The following PLPP4 variants were observed in gnomAD, a reference collection of about 807,000 sequenced individuals.
PLPP4 encodes diacylglycerol pyrophosphate like 2.
PLPP4 carries 20 observed loss-of-function variants against 32.2 expected under a neutral mutation model. The ratio of observed to expected loss-of-function variants is 0.62; its 90% CI spans 0.44 to 0.90. The LOEUF is 0.90. Ranked by LOEUF, PLPP4 falls within the 40% of genes least tolerant of loss-of-function variation. The pLI, the probability that PLPP4 is intolerant of heterozygous loss-of-function variation, is 0.00. For missense variants in PLPP4, 257 were observed against 353.1 expected (o/e 0.73, Z 2.18); for synonymous variants, 127 against 133.0 (o/e 0.95, Z 0.31).
At chr10:120,534,958 G>A (rs190593882) in intron 5 of PLPP4, among the ~76,000 whole-genome samples, 2 of 152,244 alleles carry the variant, frequency 1.3e-5, no homozygotes, top group Admixed American at 1.3e-4. Flanking sequence ...CTCACAGGCA[G>A]TTTCTGTTGC....
chr10:120,477,894 C>G (rs1183809215), intron 1 of PLPP4, among the ~76,000 whole-genome samples: 1 of 152,184 alleles, frequency 6.6e-6, no homozygotes, highest in East Asian at 1.9e-4. Context: ...GTACAGCAGA[C>G]AGGGGCCATG....
chr10:120,508,613 C>A (rs191752159), intron 2 of PLPP4, among the ~76,000 whole-genome samples: 1 of 152,218 alleles, frequency 6.6e-6, no homozygotes, highest in Non-Finnish European at 1.5e-5. Flanking sequence ...TGCCTTACAT[C>A]AGCAGGTGGG....
intron 1 of PLPP4, among the ~76,000 whole-genome samples, chr10:120,496,754 C>T (rs1424264223): frequency 6.6e-6 from 1 of 152,162 alleles, no homozygotes; most frequent in African/African-American, 2.4e-5. Context: ...TGATAGTCCA[C>T]TCTCTGTCCC....
chr10:120,517,588 C>G (rs1022826472), intron 3 of PLPP4, among the ~76,000 whole-genome samples: 11 of 152,218 alleles, frequency 7.2e-5, no homozygotes, highest in African/African-American at 2.7e-4. Context: ...AGTCTGTGGC[C>G]TGTCCCTCCT....
At chr10:120,547,638 C>A (rs111248907) in intron 5 of PLPP4, among the ~76,000 whole-genome samples, 224 of 152,298 alleles carry the variant, frequency 1.5e-3, no homozygotes, top group African/African-American at 5.2e-3. Flanking sequence ...CCCTTTTTAT[C>A]ATAGATTCCC....
intron 4 of PLPP4, among the ~76,000 whole-genome samples, chr10:120,520,352 G>A (rs550811630): frequency 1.3e-5 from 2 of 152,282 alleles, no homozygotes; most frequent in African/African-American, 4.8e-5. Context: ...CCCAAATTCA[G>A]GATATACGGA....
chr10:120,591,070 A>T lies in PLPP4; in HGVS notation c.*1568A>T, dbSNP rs139564420. Among the ~76,000 whole-genome samples, 1 of 152,092 alleles carries T rather than the reference A, an allele frequency of 6.6e-6. No homozygotes were observed. The highest frequency in any genetic ancestry group is 1.5e-5 in the Non-Finnish European group (1 of 68,006). On this transcript the variant is annotated 3_prime_UTR_variant, in exon 7 of 7. Transcript: ENST00000398250. ...AAGCGTGAGCCACTGCACCTGGCCA[A>T]GAGTGTTGCTTTTGGGCAGTTAGCA...
intron 2 of PLPP4, among the ~76,000 whole-genome samples, chr10:120,506,952 C>T (rs1845519164): frequency 6.6e-6 from 1 of 152,204 alleles, no homozygotes; most frequent in African/African-American, 2.4e-5. Context: ...TCTTGCTTAA[C>T]ATTTCTGGGA....
rs375604554 is a variant in PLPP4, at chr10:120,575,170, C to T, written c.485C>T (p.Ala162Val). The change falls in exon 6 of 7, where the codon GCG (alanine) becomes GTG (valine). Residue 162 changes from alanine (A) to valine (V), a missense_variant. By Grantham distance (64) the Ala-to-Val change is moderately conservative (BLOSUM62 0). Transcript: ENST00000398250. ...CTTGGCTTCACGACGTTCTACTTGG[C>T]GGGCAAGCTGCACTGCTTCACCGAG... ...SGLGFTTFYL[A>V]GKLHCFTESG... 1.9e-5 allele frequency: 31 copies of T among 1,613,534 alleles called. No individual in the cohort carries two copies. The highest frequency in any genetic ancestry group is 1.5e-4 in the Admixed American group (9 of 59,900).
chr10:120,522,783 A>G (rs944292098), intron 5 of PLPP4, among the ~76,000 whole-genome samples: 2 of 152,250 alleles, frequency 1.3e-5, no homozygotes, highest in Non-Finnish European at 2.9e-5. Context: ...TCACAAAAAA[A>G]TAAAGTAACC....
At chr10:120,580,949 A>AC in intron 6 of PLPP4, 3 of 1,280,412 alleles carry the variant, frequency 2.3e-6, no homozygotes, top group Non-Finnish European at 3.0e-6. Context: ...TCGGCTGCCA[A>AC]CCCCCGCCTC....
chr10:120,496,726 A>G (rs1362067363), intron 1 of PLPP4, among the ~76,000 whole-genome samples: 1 of 152,212 alleles, frequency 6.6e-6, no homozygotes, highest in Non-Finnish European at 1.5e-5. Flanking sequence ...TGTTGAATGA[A>G]GAAAAATTTG....
At chr10:120,485,913 G>A (rs1231594605) in intron 1 of PLPP4, among the ~76,000 whole-genome samples, 2 of 152,114 alleles carry the variant, frequency 1.3e-5, no homozygotes, top group Admixed American at 6.5e-5. Context: ...AAAGCTCAAC[G>A]ATGGAGCCTA....
intron 1 of PLPP4, among the ~76,000 whole-genome samples, chr10:120,475,331 C>G (rs1479897398): frequency 6.6e-6 from 1 of 152,076 alleles, no homozygotes; most frequent in African/African-American, 2.4e-5. Context: ...GGGCCCAGCA[C>G]CTCAATGTCT....
chr10:120,576,551 CCCCGTAT>C (rs1849232721), intron 6 of PLPP4, among the ~76,000 whole-genome samples: 1 of 152,234 alleles, frequency 6.6e-6, no homozygotes, highest in African/African-American at 2.4e-5. Flanking sequence ...CTCATCCCTA[CCCCGTAT>C]CCTCCTGGAG....
At chr10:120,476,018 G>T (rs191367831) in intron 1 of PLPP4, among the ~76,000 whole-genome samples, 97 of 152,288 alleles carry the variant, frequency 6.4e-4, no homozygotes, top group Middle Eastern at 6.8e-3. Context: ...CAGGCACTGT[G>T]CCAGGCCCAG....
intron 1 of PLPP4, among the ~76,000 whole-genome samples, chr10:120,482,527 G>C (rs988135245): frequency 6.6e-6 from 1 of 152,110 alleles, no homozygotes; most frequent in East Asian, 1.9e-4. Flanking sequence ...AGGTGACTTG[G>C]GTGCTGTTAA....
chr10:120,503,938 G>A lies in PLPP4; in HGVS notation c.165+12G>A. The A allele has an allele frequency of 6.6e-7, 1 of 1,526,046 alleles. No homozygotes were observed. The highest frequency in any genetic ancestry group is 9.1e-7 in the Non-Finnish European group (1 of 1,100,946). 94.5% of individuals were successfully genotyped at this position (1,526,046 alleles called of 1,614,324 possible). On this transcript the variant is annotated intron_variant, in intron 2 of 6. Transcript: ENST00000398250. ...CCCGCCTCATGTTTGTAAGTACCAT[G>A]ATTTCATTCCTTATTTGACTGCTCT...
At chr10:120,554,443 CTT>C (rs57141479) in intron 5 of PLPP4, among the ~76,000 whole-genome samples, 29,621 of 152,048 alleles carry the variant, frequency 0.19, 2,920 homozygotes, top group Admixed American at 0.22. Context: ...ATCTTCCTGT[CTT>C]TGGCTGAGCC....
Sources: gnomAD v4.1 joint callset for allele counts (sites outside exome capture counted in the v4.1 genomes callset) on GRCh38, gnomAD v4.1.1 for gene constraint, MANE v1.5 for transcripts, NCBI Gene and HGNC (gene_info 2026-07-23, HGNC 2026-07-21) for gene names.